The following NTRK3 variants were observed in gnomAD, a reference collection of about 807,000 sequenced individuals.
The protein encoded by NTRK3 is NT-3 growth factor receptor.
A neutral mutation model predicts 91.7 loss-of-function variants in NTRK3; 24 were observed. That is an observed-to-expected ratio of 0.26 (90% confidence interval 0.19 to 0.37). NTRK3 has a LOEUF of 0.37. NTRK3 is among the 10% of genes least tolerant of loss of function. NTRK3 has a pLI of 1.00. For missense variants in NTRK3, 880 were observed against 1,068.9 expected, an observed-to-expected ratio of 0.82 and a Z score of 2.46; for synonymous variants, 483 against 404.0, an observed-to-expected ratio of 1.20 and a Z score of -2.34.
intron 13 of NTRK3, among the ~76,000 whole-genome samples, chr15:88,081,768 T>G (rs1437383512): frequency 6.6e-6 from 1 of 152,116 alleles, no homozygotes; most frequent in Non-Finnish European, 1.5e-5. Flanking sequence ...CGCTTGTTCC[T>G]CCATATGGTA....
chr15:88,132,935 A>G (rs1030986774), intron 10 of NTRK3, among the ~76,000 whole-genome samples: 8 of 152,014 alleles, frequency 5.3e-5, no homozygotes, highest in Non-Finnish European at 1.0e-4. Flanking sequence ...CTGTGACTCT[A>G]TCCTCCCTCC....
chr15:88,193,506 C>A (rs2047573177), intron 3 of NTRK3, among the ~76,000 whole-genome samples: 2 of 152,192 alleles, frequency 1.3e-5, no homozygotes, highest in African/African-American at 4.8e-5. Context: ...CCAGGCACAT[C>A]TTTTCCACCT....
chr15:88,011,014 T>A (rs887687694), intron 14 of NTRK3, among the ~76,000 whole-genome samples: 6 of 152,208 alleles, frequency 3.9e-5, no homozygotes, highest in Non-Finnish European at 4.4e-5. Context: ...AAAAAATCCA[T>A]CCTTTTGGAC....
intron 5 of NTRK3, among the ~76,000 whole-genome samples, chr15:88,160,763 G>A (rs2044375361): frequency 1.3e-5 from 2 of 152,218 alleles, no homozygotes; most frequent in Admixed American, 1.3e-4. Flanking sequence ...CCAAGTGTAT[G>A]ATGGAGAAGC....
intron 17 of NTRK3, among the ~76,000 whole-genome samples, chr15:87,923,281 T>C (rs2068023970): frequency 6.6e-6 from 1 of 152,252 alleles, no homozygotes; most frequent in African/African-American, 2.4e-5. Flanking sequence ...AGGAAGGTCA[T>C]ATAACTGGGT....
intron 14 of NTRK3, chr15:87,981,468 C>G: frequency 6.6e-7 from 1 of 1,507,426 alleles, no homozygotes; most frequent in South Asian, 1.1e-5. Flanking sequence ...AAACAGAAAT[C>G]CAGGTTTCTC....
At chr15:87,886,973 T>C (rs2065592340) in intron 17 of NTRK3, among the ~76,000 whole-genome samples, 1 of 151,752 alleles carries the variant, frequency 6.6e-6, no homozygotes, top group Non-Finnish European at 1.5e-5. Flanking sequence ...GTAAAAAAAA[T>C]AGAAGTCAGG....
intron 14 of NTRK3, among the ~76,000 whole-genome samples, chr15:87,942,978 G>A (rs778715273): frequency 1.1e-4 from 17 of 152,114 alleles, no homozygotes; most frequent in Non-Finnish European, 2.4e-4. Context: ...AGTTACTTGG[G>A]GAAGAGCACC....
chr15:88,223,298 C>A lies in NTRK3; in HGVS notation c.248+32608G>T, dbSNP rs74027908. Among the ~76,000 whole-genome samples the A allele has an allele frequency of 8.5e-3, 1,292 of 152,300 alleles. 23 individuals are homozygous for A. Among genetic ancestry groups the A allele is most frequent in the African/African-American group, 0.03 (1,231 of 41,572 alleles). On this transcript the variant is annotated intron_variant, in intron 3 of 18. Transcript: ENST00000394480. Reference sequence around the variant, plus strand: ...GGACGCAGTGGCCTGTGTCACCAGGCGTGAGTGCTGGAGGAGGGGGCTGGC... The same window carrying A: ...GGACGCAGTGGCCTGTGTCACCAGGAGTGAGTGCTGGAGGAGGGGGCTGGC...
intron 6 of NTRK3, among the ~76,000 whole-genome samples, chr15:88,146,700 C>G (rs1374200548): frequency 6.6e-6 from 1 of 152,122 alleles, no homozygotes; most frequent in Non-Finnish European, 1.5e-5. Context: ...GCTAAGCAGT[C>G]CACATGCAGA....
chr15:87,955,375 G>T (rs2071550771), intron 14 of NTRK3, among the ~76,000 whole-genome samples: 1 of 152,240 alleles, frequency 6.6e-6, no homozygotes, highest in South Asian at 2.1e-4. Context: ...TGGGGCCTTT[G>T]CTCAGCTTAC....
rs77990329 is a variant in NTRK3, at chr15:87,906,082, T to A, written c.2133+23109A>T. 6.0e-4 allele frequency among the ~76,000 whole-genome samples: 92 copies of A among 152,338 alleles called. 1 individual carries two copies. In the East Asian group the frequency reaches 0.017, roughly 28 times the overall value. On this transcript the variant is annotated intron_variant, in intron 17 of 18. Transcript: ENST00000394480. Reference sequence around the variant, plus strand: ...TACTTCCACTTCCTGCCAACTGGTATCTGTGGAAAGATGCTGAGGCTAACT... The same window carrying A: ...TACTTCCACTTCCTGCCAACTGGTAACTGTGGAAAGATGCTGAGGCTAACT...
At chr15:87,894,823 C>T (rs549281327) in intron 17 of NTRK3, among the ~76,000 whole-genome samples, 2 of 152,308 alleles carry the variant, frequency 1.3e-5, no homozygotes, top group East Asian at 3.9e-4. Flanking sequence ...TCCTCCTCCT[C>T]CCCTGCTCTA....
At chr15:88,161,622 C>T (rs2151436280) in intron 5 of NTRK3, among the ~76,000 whole-genome samples, 1 of 152,292 alleles carries the variant, frequency 6.6e-6, no homozygotes, top group South Asian at 2.1e-4. Context: ...GAGACCCATC[C>T]ACTAGCATGG....
chr15:87,960,794 C>T (rs1478316037), intron 14 of NTRK3, among the ~76,000 whole-genome samples: 4 of 152,136 alleles, frequency 2.6e-5, no homozygotes, highest in African/African-American at 9.7e-5. Flanking sequence ...CTCCCCCATC[C>T]TAATCAAAGT....
intron 13 of NTRK3, among the ~76,000 whole-genome samples, chr15:88,101,364 A>G (rs8036521): frequency 0.037 from 5,618 of 152,272 alleles, 359 homozygotes; most frequent in African/African-American, 0.13. Context: ...AAGTCAGGAA[A>G]CAACAGGTGC....
At chr15:88,133,611 T>G (rs868687100) in intron 10 of NTRK3, among the ~76,000 whole-genome samples, 1 of 152,200 alleles carries the variant, frequency 6.6e-6, no homozygotes, top group Non-Finnish European at 1.5e-5. Flanking sequence ...GTTTCAGTCT[T>G]TTATGTCAAC....
chr15:87,945,290 A>C (rs2070346116), intron 14 of NTRK3, among the ~76,000 whole-genome samples: 2 of 152,216 alleles, frequency 1.3e-5, no homozygotes, highest in African/African-American at 4.8e-5. Flanking sequence ...AGAGGAAGCC[A>C]CCTGTAGATC....
chr15:87,905,641 T>A (rs901822646), intron 17 of NTRK3, among the ~76,000 whole-genome samples: 1 of 152,146 alleles, frequency 6.6e-6, no homozygotes, highest in Non-Finnish European at 1.5e-5. Context: ...ACAGGAAATT[T>A]AGGATTATCT....
Sources: gnomAD v4.1 joint callset for allele counts (sites outside exome capture counted in the v4.1 genomes callset) on GRCh38, gnomAD v4.1.1 for gene constraint, MANE v1.5 for transcripts, NCBI Gene and HGNC (gene_info 2026-07-23, HGNC 2026-07-21) for gene names.